The following ELAPOR2 variants were observed in gnomAD, a reference collection of about 807,000 sequenced individuals.
ELAPOR2 encodes endosome/lysosome-associated apoptosis and autophagy regulator family member 2.
A neutral mutation model predicts 120.7 loss-of-function variants in ELAPOR2; 89 were observed. The ratio of observed to expected loss-of-function variants is 0.74; its 90% CI spans 0.62 to 0.88. The LOEUF (loss-of-function observed/expected upper bound fraction) is 0.88. Among genes scored for constraint, ELAPOR2 ranks in the 40% least tolerant of loss-of-function variants. The pLI, the probability that ELAPOR2 is intolerant of heterozygous loss-of-function variation, is 0.00. For missense variants in ELAPOR2, 1,134 were observed against 1,251.6 expected, an observed-to-expected ratio of 0.91 and a Z score of 1.42; for synonymous variants, 444 against 444.9, an observed-to-expected ratio of 1.00 and a Z score of 0.03.
At chr7:86,977,531 A>G (rs561376861) in intron 1 of ELAPOR2, among the ~76,000 whole-genome samples, 1 of 152,258 alleles carries the variant, frequency 6.6e-6, no homozygotes, top group East Asian at 1.9e-4. Context: ...TGTACTCTCA[A>G]TACCATAACA....
intron 1 of ELAPOR2, among the ~76,000 whole-genome samples, chr7:87,022,482 G>C (rs1794083140): frequency 6.6e-6 from 1 of 152,062 alleles, no homozygotes; most frequent in African/African-American, 2.4e-5. Flanking sequence ...GTCTATCATT[G>C]TTGAACATTT....
rs1294318508 is a variant in ELAPOR2 at position 86,926,826 on chromosome 7, C to A, written c.1180G>T (p.Asp394Tyr). 3 of 1,610,244 alleles carry A rather than the reference C, an allele frequency of 1.9e-6. No individual in the cohort carries two copies. The highest frequency in any genetic ancestry group is 2.5e-6 in the Non-Finnish European group (3 of 1,178,524). The change falls in exon 9 of 22, where the codon GAT (aspartate) becomes TAT (tyrosine). Residue 394 changes from aspartate to tyrosine, a missense_variant. Transcript: ENST00000450689. ...AATCCAGGGTTGCAAGGCGGACAATCCTTCTTCTCTCCAGAAGGGGGCAAT... is the reference window on the plus strand; with the variant it reads ...AATCCAGGGTTGCAAGGCGGACAATACTTCTTCTCTCCAGAAGGGGGCAAT... ...IRLPPSGEKKDCPPCNPGFYN... is the reference protein window; with the variant it reads ...IRLPPSGEKKYCPPCNPGFYN...
intron 1 of ELAPOR2, among the ~76,000 whole-genome samples, chr7:87,042,382 G>A (rs1794815088): frequency 6.6e-6 from 1 of 150,890 alleles, no homozygotes; most frequent in Non-Finnish European, 1.5e-5. Flanking sequence ...CTCAGCAAAT[G>A]TAAAAGAACA....
In ELAPOR2 at chr7:86,891,707, T is replaced by A; in HGVS notation, c.3030+17A>T. 3 of 1,601,124 alleles carry A rather than the reference T, an allele frequency of 1.9e-6. No homozygotes were observed. Among genetic ancestry groups the A allele is most frequent in the Non-Finnish European group, 2.6e-6 (3 of 1,173,582 alleles). On this transcript the variant is annotated intron_variant, in intron 21 of 21. Coordinates refer to ENST00000450689, the MANE Select transcript of ELAPOR2 (RefSeq NM_001142749.3). ...TTATAAACACCCAGTAACACCAGGT[T>A]AAAATTCTACTCTCACCTTGGTTGC...
chr7:87,035,103 A>T (rs1332802499), intron 1 of ELAPOR2, among the ~76,000 whole-genome samples: 1 of 151,782 alleles, frequency 6.6e-6, no homozygotes, highest in Non-Finnish European at 1.5e-5. Context: ...AAAAAAAAAA[A>T]AATTGTGTGC....
At chr7:87,032,478 T>C (rs1396021742) in intron 1 of ELAPOR2, among the ~76,000 whole-genome samples, 2 of 152,196 alleles carry the variant, frequency 1.3e-5, no homozygotes, top group Non-Finnish European at 2.9e-5. Flanking sequence ...TGAATTTTCT[T>C]TGGAATATAG....
chr7:86,881,606 T>G (rs1799407368), intron 21 of ELAPOR2, among the ~76,000 whole-genome samples: 1 of 152,106 alleles, frequency 6.6e-6, no homozygotes. Flanking sequence ...TCCGCCCACC[T>G]CGGCCTCCCA....
At chr7:86,927,290 A>G (rs1306850562) in intron 8 of ELAPOR2, among the ~76,000 whole-genome samples, 3 of 151,984 alleles carry the variant, frequency 2.0e-5, no homozygotes, top group Non-Finnish European at 2.9e-5. Flanking sequence ...TGAGACTTCC[A>G]CTAACCTCTT....
Position 86,952,853 on chromosome 7 carries a change from G to C in ELAPOR2, c.311-4931C>G, listed in dbSNP as rs181258109. On this transcript the variant is annotated intron_variant, in intron 2 of 21. Transcript: ENST00000450689. ...CTCACACCTGTAATCCCAGCACTTTGGGAGGCTGAGGCAGGCAGACTGCTT... is the reference window on the plus strand; with the variant it reads ...CTCACACCTGTAATCCCAGCACTTTCGGAGGCTGAGGCAGGCAGACTGCTT... Among the ~76,000 whole-genome samples, 557 of 152,220 alleles carry C rather than the reference G, an allele frequency of 3.7e-3. 3 individuals are homozygous for C. Among genetic ancestry groups the C allele is most frequent in the Non-Finnish European group, 6.3e-3 (427 of 68,012 alleles).
chr7:86,934,769 A>G (rs1790493947), intron 8 of ELAPOR2, among the ~76,000 whole-genome samples: 1 of 151,954 alleles, frequency 6.6e-6, no homozygotes, highest in African/African-American at 2.4e-5. Flanking sequence ...GATGTACATA[A>G]TGGCCCTTCC....
chr7:86,958,402 T>C (rs73384109), intron 2 of ELAPOR2, among the ~76,000 whole-genome samples: 13,893 of 152,274 alleles, frequency 0.091, 782 homozygotes, highest in African/African-American at 0.15. Context: ...ATTATTTTAG[T>C]CATTATTACT....
chr7:86,913,191 A>T lies in ELAPOR2; in HGVS notation c.1745T>A (p.Ile582Asn). The change falls in exon 14 of 22, where the codon ATC (isoleucine) becomes AAC (asparagine). Residue 582 changes from isoleucine (I) to asparagine (N), a missense_variant. Ile to Asn is a moderately radical substitution (Grantham distance 149). Around this residue, in one of 3 missense-constraint regions of ELAPOR2, gnomAD observed 831 missense variants for 867.6 expected, o/e 0.96. Transcript: ENST00000450689. ...TNQGQDNRRF[I>N]NDMVKIYSIT... ...AGAATAAATCTTCACCATGTCATTG[A>T]TGAACCGTCTATTCTAAAAAAAAGA... 1 of 1,613,772 alleles carries T rather than the reference A, an allele frequency of 6.2e-7. No individual in the cohort carries two copies. The highest frequency in any genetic ancestry group is 8.5e-7 in the Non-Finnish European group (1 of 1,179,786).
At position 86,969,468 on chromosome 7, in the gene ELAPOR2, T is replaced by A. The variant is rs567482772; in HGVS notation, c.190-4444A>T. 1.8e-4 allele frequency among the ~76,000 whole-genome samples: 28 copies of A among 152,306 alleles called. No individual in the cohort carries two copies. In the South Asian group the frequency reaches 5.8e-3, roughly 32 times the overall value. On this transcript the variant is annotated intron_variant, in intron 1 of 21. Coordinates refer to ENST00000450689, the MANE Select transcript of ELAPOR2 (RefSeq NM_001142749.3). ...TTGCATCTTAAATATGATTTATGCA[T>A]ATAGCAATATATCATTTTCATTAAT...
At chr7:87,041,873 C>T (rs1380053781) in intron 1 of ELAPOR2, among the ~76,000 whole-genome samples, 3 of 151,886 alleles carry the variant, frequency 2.0e-5, no homozygotes, top group Middle Eastern at 3.4e-3. Context: ...ACCCATCTCA[C>T]GTGCAGAGAC....
intron 1 of ELAPOR2, among the ~76,000 whole-genome samples, chr7:86,975,493 T>A (rs1562951486): frequency 6.6e-6 from 1 of 152,216 alleles, no homozygotes; most frequent in African/African-American, 2.4e-5. Flanking sequence ...TTTCTAAAAT[T>A]AACCTTAAAA....
At chr7:86,931,653 T>C (rs926947821) in intron 8 of ELAPOR2, among the ~76,000 whole-genome samples, 1 of 151,906 alleles carries the variant, frequency 6.6e-6, no homozygotes, top group East Asian at 1.9e-4. Flanking sequence ...ATGTGCTAGG[T>C]ACTATACTAG....
chr7:86,995,724 C>A (rs550954946), intron 1 of ELAPOR2, among the ~76,000 whole-genome samples: 1 of 152,200 alleles, frequency 6.6e-6, no homozygotes, highest in East Asian at 1.9e-4. Flanking sequence ...AGTGATATAA[C>A]AAGCGAATAA....
intron 18 of ELAPOR2, among the ~76,000 whole-genome samples, chr7:86,900,975 G>T (rs1788697090): frequency 6.6e-6 from 1 of 152,110 alleles, no homozygotes; most frequent in South Asian, 2.1e-4. Context: ...ATCATCTCCA[G>T]CCACCTCCCC....
At chr7:87,024,351 T>C (rs1218714047) in intron 1 of ELAPOR2, among the ~76,000 whole-genome samples, 2 of 152,236 alleles carry the variant, frequency 1.3e-5, no homozygotes, top group African/African-American at 2.4e-5. Context: ...GTTCTGTTTA[T>C]ATGCTGGATT....
Sources: allele counts gnomAD v4.1 joint callset (sites outside exome capture counted in the v4.1 genomes callset), GRCh38; gene constraint gnomAD v4.1.1; regional missense constraint gnomAD v4.1.1; transcripts MANE v1.5; gene names NCBI Gene and HGNC (gene_info 2026-07-23, HGNC 2026-07-21).